GRIP1: variants seen among roughly 807,000 people sequenced by gnomAD.
GRIP1 encodes glutamate receptor-interacting protein 1.
GRIP1 carries 45 observed loss-of-function variants against 129.9 expected under a neutral mutation model. The observed-to-expected ratio is 0.35, with a 90% CI of 0.27 to 0.44. The LOEUF is 0.44. GRIP1 is among the 20% of genes least tolerant of loss of function. The pLI is 1.00. For synonymous variants in GRIP1, 530 were observed against 520.8 expected (o/e 1.02, Z -0.24); for missense variants, 1,196 against 1,396.8 (o/e 0.86, Z 2.29).
At chr12:66,949,213 A>G (rs1472138847) in intron 1 of GRIP1, among the ~76,000 whole-genome samples, 2 of 152,236 alleles carry the variant, frequency 1.3e-5, no homozygotes, top group Non-Finnish European at 2.9e-5. Flanking sequence ...GGAATCCTAT[A>G]TAATAATTTT....
At chr12:66,982,643 A>G (rs1376724761) in intron 1 of GRIP1, among the ~76,000 whole-genome samples, 1 of 152,194 alleles carries the variant, frequency 6.6e-6, no homozygotes, top group African/African-American at 2.4e-5. Flanking sequence ...ACAACGCTTT[A>G]GAAATTGAAT....
At chr12:66,523,531 A>G (rs1385154805) in intron 5 of GRIP1, among the ~76,000 whole-genome samples, 4 of 152,080 alleles carry the variant, frequency 2.6e-5, no homozygotes, top group African/African-American at 7.3e-5. Flanking sequence ...TGAAGGAAGC[A>G]CTAAACATGG....
chr12:66,842,786 C>A (rs2039744439), intron 1 of GRIP1, among the ~76,000 whole-genome samples: 1 of 152,004 alleles, frequency 6.6e-6, no homozygotes, highest in African/African-American at 2.4e-5. Flanking sequence ...ATCAATAAAC[C>A]AATGTTTTTG....
At chr12:66,688,624 A>G (rs893850677) in intron 1 of GRIP1, among the ~76,000 whole-genome samples, 6 of 152,116 alleles carry the variant, frequency 3.9e-5, no homozygotes, top group Admixed American at 2.0e-4. Context: ...TTGTCTTCCT[A>G]AGTTCATTAC....
chr12:67,025,421 T>C (rs1391498461), intron 1 of GRIP1, among the ~76,000 whole-genome samples: 1 of 145,438 alleles, frequency 6.9e-6, no homozygotes, highest in Non-Finnish European at 1.5e-5. Flanking sequence ...AAACTGCAAT[T>C]TGGAGAACAG....
intron 1 of GRIP1, among the ~76,000 whole-genome samples, chr12:67,036,431 G>A (rs1252886777): frequency 6.6e-6 from 1 of 151,662 alleles, no homozygotes; most frequent in Non-Finnish European, 1.5e-5. Flanking sequence ...AAGTTCAAGA[G>A]ATTCTCCTAC....
At chr12:66,782,533 G>T (rs1392253382) in intron 1 of GRIP1, among the ~76,000 whole-genome samples, 1 of 152,266 alleles carries the variant, frequency 6.6e-6, no homozygotes, top group African/African-American at 2.4e-5. Flanking sequence ...GTTTTAGTTT[G>T]AGTTTTTAAA....
chr12:66,961,253 G>A (rs2041917047), intron 1 of GRIP1, among the ~76,000 whole-genome samples: 1 of 152,024 alleles, frequency 6.6e-6, no homozygotes, highest in Non-Finnish European at 1.5e-5. Flanking sequence ...GGAACACCAG[G>A]GGAGACGGGT....
intron 7 of GRIP1, among the ~76,000 whole-genome samples, chr12:66,509,317 G>C (rs2060626135): frequency 6.6e-6 from 1 of 152,150 alleles, no homozygotes. Context: ...CACTTTACAT[G>C]TATTCACTCA....
chr12:66,969,607 G>C (rs1458321107), intron 1 of GRIP1, among the ~76,000 whole-genome samples: 5 of 151,928 alleles, frequency 3.3e-5, no homozygotes, highest in Admixed American at 6.6e-5. Context: ...TTTAGAAACA[G>C]GGTCTCACTA....
chr12:67,037,892 T>C (rs918487603), intron 1 of GRIP1, among the ~76,000 whole-genome samples: 1 of 152,206 alleles, frequency 6.6e-6, no homozygotes, highest in African/African-American at 2.4e-5. Context: ...AACACAGAAT[T>C]TTCTTTTAAA....
At chr12:66,952,388 G>A (rs1381377491) in intron 1 of GRIP1, among the ~76,000 whole-genome samples, 2 of 152,138 alleles carry the variant, frequency 1.3e-5, no homozygotes, top group Non-Finnish European at 2.9e-5. Context: ...AATATAAATA[G>A]ATTATGTCAT....
intron 1 of GRIP1, among the ~76,000 whole-genome samples, chr12:67,032,353 AATC>A (rs764159849): frequency 3.3e-5 from 5 of 152,150 alleles, no homozygotes; most frequent in Non-Finnish European, 7.3e-5. Flanking sequence ...TGCCTAGGAA[AATC>A]TATTGCCTTT....
intron 1 of GRIP1, among the ~76,000 whole-genome samples, chr12:66,837,180 T>C (rs1304073893): frequency 6.6e-6 from 1 of 152,198 alleles, no homozygotes; most frequent in Admixed American, 6.5e-5. Flanking sequence ...TAACTCACCT[T>C]TACTGAGTAC....
chr12:66,649,406 A>C (rs1565940864), intron 1 of GRIP1, among the ~76,000 whole-genome samples: 4 of 152,218 alleles, frequency 2.6e-5, no homozygotes, highest in Admixed American at 1.3e-4. Context: ...TGGGCAGAGA[A>C]AAAGGTCCAG....
chr12:66,465,861 AAAG>A (rs2059272351), intron 7 of GRIP1, among the ~76,000 whole-genome samples: 1 of 152,200 alleles, frequency 6.6e-6, no homozygotes, highest in Admixed American at 6.5e-5. Flanking sequence ...TGGATATAAA[AAAG>A]AAAGGAAGGA....
At chr12:66,690,199 C>T (rs1394505515) in intron 1 of GRIP1, among the ~76,000 whole-genome samples, 1 of 152,090 alleles carries the variant, frequency 6.6e-6, no homozygotes, top group Non-Finnish European at 1.5e-5. Context: ...GGATTACAGG[C>T]GTGAACCACC....
rs553224803 is a variant in GRIP1, at chr12:66,838,258, T to G, written c.58+230792A>C. Among the ~76,000 whole-genome samples, 5 of 151,952 alleles carry G rather than the reference T, an allele frequency of 3.3e-5. No homozygotes were observed. The South Asian group carries it at 1.0e-3, about 32-fold the overall frequency. On this transcript the variant is annotated intron_variant, in intron 1 of 1. Transcript: ENST00000643019. The stretch of plus-strand genomic sequence containing the variant: ...GGCAATGAGTTTATTCTTTCCAGAA[T>G]GGCAGTGGGTGAGTTATATTCTCCA...
At chr12:66,613,230 A>G (rs2064886296) in intron 1 of GRIP1, among the ~76,000 whole-genome samples, 4 of 152,206 alleles carry the variant, frequency 2.6e-5, no homozygotes, top group Admixed American at 2.6e-4. Flanking sequence ...CCACTTTAAT[A>G]GGGCCCTAGT....
Sources: gnomAD v4.1 joint callset for allele counts (sites outside exome capture counted in the v4.1 genomes callset) on GRCh38, gnomAD v4.1.1 for gene constraint, MANE v1.5 for transcripts, NCBI Gene and HGNC (gene_info 2026-07-23, HGNC 2026-07-21) for gene names.